MEGF11: variants seen among roughly 807,000 people sequenced by gnomAD.
MEGF11 encodes the protein multiple epidermal growth factor-like domains protein 11.
A neutral mutation model predicts 146.6 loss-of-function variants in MEGF11; 126 were observed. The observed-to-expected ratio is 0.86, with a 90% CI of 0.74 to 1.00. The LOEUF (loss-of-function observed/expected upper bound fraction) is 1.00. Among genes scored for constraint, MEGF11 ranks in the 50% least tolerant of loss-of-function variants. MEGF11 has a pLI of 0.00. For missense variants in MEGF11, 1,509 were observed against 1,521.2 expected (o/e 0.99, Z 0.13); for synonymous variants, 532 against 583.4 (o/e 0.91, Z 1.27).
At chr15:65,909,269 A>G (rs1390175817) in intron 22 of MEGF11, 134 bp from the exon 23 acceptor site, 19 of 683,856 alleles carry the variant, frequency 2.8e-5, no homozygotes, top group Non-Finnish European at 4.7e-5. Context: ...CTCTGTGTAT[A>G]GCATCCAGAG....
At chr15:66,151,184 C>T (rs1203100115) in intron 1 of MEGF11, among the ~76,000 whole-genome samples, 2 of 152,188 alleles carry the variant, frequency 1.3e-5, no homozygotes, top group Non-Finnish European at 2.9e-5. Context: ...ACACAGGCTG[C>T]ATGCGGAAAG....
At chr15:66,032,299 A>G (rs1369498110) in intron 5 of MEGF11, among the ~76,000 whole-genome samples, 1 of 152,234 alleles carries the variant, frequency 6.6e-6, no homozygotes, top group Admixed American at 6.5e-5. Flanking sequence ...GCAATAGAAA[A>G]CAGACTGTGA....
chr15:66,251,917 C>T (rs2092375986), intron 1 of MEGF11, among the ~76,000 whole-genome samples: 1 of 152,222 alleles, frequency 6.6e-6, no homozygotes, highest in South Asian at 2.1e-4. Flanking sequence ...GAAAATCCGC[C>T]GGAGGAGCAG....
intron 24 of MEGF11, among the ~76,000 whole-genome samples, chr15:65,899,636 T>C (rs1415949415): frequency 6.6e-6 from 1 of 152,186 alleles, no homozygotes; most frequent in Non-Finnish European, 1.5e-5. Context: ...CTCCAGGAGC[T>C]CATCAGAATA....
intron 8 of MEGF11, among the ~76,000 whole-genome samples, chr15:65,968,565 CTCT>C (rs2081194388): frequency 1.3e-5 from 2 of 152,038 alleles, no homozygotes; most frequent in African/African-American, 2.4e-5. Flanking sequence ...CTTAATCAGC[CTCT>C]TTTTTTTTTC....
intron 1 of MEGF11, among the ~76,000 whole-genome samples, chr15:66,175,287 C>G (rs11071865): frequency 6.6e-6 from 1 of 151,942 alleles, no homozygotes; most frequent in South Asian, 2.1e-4. Flanking sequence ...TATCAAAATA[C>G]CAATGACAGT....
intron 8 of MEGF11, among the ~76,000 whole-genome samples, chr15:65,966,101 T>G (rs1206746971): frequency 6.6e-6 from 1 of 152,184 alleles, no homozygotes; most frequent in African/African-American, 2.4e-5. Context: ...GTTCAAGCTA[T>G]TCTCCTGCCT....
intron 1 of MEGF11, among the ~76,000 whole-genome samples, chr15:66,219,953 C>A (rs1330639841): frequency 1.3e-5 from 2 of 152,254 alleles, no homozygotes; most frequent in Non-Finnish European, 2.9e-5. Flanking sequence ...TCACCCGGAA[C>A]CTCAGAATGT....
chr15:66,191,291 G>A (rs193133543), intron 1 of MEGF11, among the ~76,000 whole-genome samples: 3 of 152,308 alleles, frequency 2.0e-5, no homozygotes, highest in South Asian at 2.1e-4. Flanking sequence ...ATTGATTATC[G>A]ACACATTCTC....
chr15:66,046,308 T>C (rs1766581784), intron 5 of MEGF11, among the ~76,000 whole-genome samples: 1 of 152,194 alleles, frequency 6.6e-6, no homozygotes, highest in African/African-American at 2.4e-5. Flanking sequence ...AATCGCCATC[T>C]GGACTATCCA....
At chr15:66,126,181 A>G (rs557843311) in intron 2 of MEGF11, among the ~76,000 whole-genome samples, 9 of 152,144 alleles carry the variant, frequency 5.9e-5, no homozygotes, top group Non-Finnish European at 1.3e-4. Context: ...CAGCTGAGAA[A>G]TTCTCCCTAA....
At chr15:66,055,929 A>C (rs2084657248) in intron 5 of MEGF11, among the ~76,000 whole-genome samples, 2 of 152,184 alleles carry the variant, frequency 1.3e-5, no homozygotes, top group Non-Finnish European at 2.9e-5. Context: ...TCTGACCATT[A>C]GTATGACACT....
At chr15:66,194,204 A>G (rs1057341775) in intron 1 of MEGF11, among the ~76,000 whole-genome samples, 2 of 152,252 alleles carry the variant, frequency 1.3e-5, no homozygotes, top group Non-Finnish European at 2.9e-5. Context: ...AGCAACCTGG[A>G]TGGAACTGGA....
intron 1 of MEGF11, among the ~76,000 whole-genome samples, chr15:66,181,601 AG>A (rs1184108855): frequency 2.6e-5 from 4 of 152,182 alleles, no homozygotes; most frequent in Non-Finnish European, 5.9e-5. Context: ...AGTCCTTAAT[AG>A]TGAATATGTT....
Position 65,909,757 on chromosome 15 carries a change from C to T in MEGF11, c.2879G>A (p.Ser960Asn). 1 of 1,583,700 alleles carries T rather than the reference C, an allele frequency of 6.3e-7. No individual in the cohort carries two copies. The highest frequency in any genetic ancestry group is 8.5e-7 in the Non-Finnish European group (1 of 1,172,638). Residue 960 changes from serine (S) to asparagine (N), a missense_variant, in exon 22 of 26, where the codon AGC becomes AAC. Ser to Asn is a conservative substitution (Grantham distance 46, BLOSUM62 1). Coordinates refer to ENST00000395614, the MANE Select transcript of MEGF11 (RefSeq NM_001385028.1). ...DRDTAGWTPY[S>N]YVNVLDSHFQ... ...CTACTGACCTAACACGTTCACATAG[C>T]TGTAGGGGGTCCAGCCTGCTGTGTC... is the stretch of plus-strand genomic sequence containing the variant.
At chr15:65,913,362 G>T (rs2078877602) in intron 20 of MEGF11, among the ~76,000 whole-genome samples, 3 of 152,170 alleles carry the variant, frequency 2.0e-5, no homozygotes, top group Admixed American at 1.3e-4. Context: ...CTGGGCACTG[G>T]GCTCCAAGGT....
intron 10 of MEGF11, among the ~76,000 whole-genome samples, chr15:65,944,124 G>C (rs2080105516): frequency 6.6e-6 from 1 of 152,222 alleles, no homozygotes; most frequent in Non-Finnish European, 1.5e-5. Flanking sequence ...GCAGGGGACT[G>C]TGCCGGGCTT....
intron 5 of MEGF11, among the ~76,000 whole-genome samples, chr15:66,007,651 G>A (rs1383609818): frequency 1.3e-5 from 2 of 152,302 alleles, no homozygotes; most frequent in South Asian, 4.1e-4. Context: ...TACTCCAGAA[G>A]CTGAGGAGAA....
At chr15:65,990,561 ACAAG>A (rs2082000350) in intron 5 of MEGF11, among the ~76,000 whole-genome samples, 2 of 151,858 alleles carry the variant, frequency 1.3e-5, no homozygotes, top group South Asian at 2.1e-4. Flanking sequence ...AAGCAAGCAA[ACAAG>A]CAAGCAAGGG....
Sources: gnomAD v4.1 joint callset for allele counts (sites outside exome capture counted in the v4.1 genomes callset) on GRCh38, gnomAD v4.1.1 for gene constraint, MANE v1.5 for transcripts, NCBI Gene and HGNC (gene_info 2026-07-23, HGNC 2026-07-21) for gene names.